Variants in DAB2IP observed in about 807,000 individuals in gnomAD.
The protein encoded by DAB2IP is disabled homolog 2-interacting protein.
In DAB2IP, 28 loss-of-function variants were observed where a neutral mutation model predicts 107.2. The observed-to-expected ratio is 0.26, with a 90% CI of 0.19 to 0.36. The LOEUF is 0.36. DAB2IP is among the 10% of genes least tolerant of loss of function. DAB2IP has a pLI of 1.00. For missense variants in DAB2IP, 1,400 were observed against 1,644.7 expected (o/e 0.85, Z 2.57); for synonymous variants, 755 against 706.4 (o/e 1.07, Z -1.09).
chr9:121,711,677 G>T (rs771462705), intron 3 of DAB2IP, among the ~76,000 whole-genome samples: 1 of 152,132 alleles, frequency 6.6e-6, no homozygotes, highest in East Asian at 1.9e-4. Context: ...GGCATTGCTG[G>T]CTCAGCAACA....
chr9:121,572,395 G>GATGAATGA (rs141995347), intron 1 of DAB2IP, among the ~76,000 whole-genome samples: 2,147 of 151,568 alleles, frequency 0.014, 64 homozygotes, highest in African/African-American at 0.046. Context: ...ATACTCAGTG[G>GATGAATGA]ATGAATGAAT....
intron 14 of DAB2IP, among the ~76,000 whole-genome samples, chr9:121,779,909 T>G (rs1028126618): frequency 3.3e-5 from 5 of 152,250 alleles, no homozygotes; most frequent in African/African-American, 9.6e-5. Context: ...GACCTGCCTG[T>G]CTCCTCAACT....
At chr9:121,596,860 C>T (rs1249804337) in intron 1 of DAB2IP, among the ~76,000 whole-genome samples, 1 of 152,216 alleles carries the variant, frequency 6.6e-6, no homozygotes, top group Non-Finnish European at 1.5e-5. Flanking sequence ...GCCTGCAGCA[C>T]AGGACAGTTC....
Position 121,760,775 on chromosome 9 carries a change from C to G in DAB2IP, c.1170+336C>G, listed in dbSNP as rs1833828037. ...AACAGGCTGGGTGGCCACGGCTCTC[C>G]CAGCACACAGGTCCCACAACGCCAC... is the stretch of plus-strand genomic sequence containing the variant. On this transcript the variant is annotated intron_variant, in intron 6 of 15. Coordinates refer to ENST00000408936, the Ensembl canonical transcript of DAB2IP. The surrounding 1 kb of genome is among the most constrained non-coding windows in gnomAD (Gnocchi z 5.9). Among the ~76,000 whole-genome samples, 4 of 152,140 alleles carry G rather than the reference C, an allele frequency of 2.6e-5. No individual in the cohort carries two copies. Among genetic ancestry groups the G allele is most frequent in the Admixed American group, 2.0e-4 (3 of 15,276 alleles).
intron 1 of DAB2IP, among the ~76,000 whole-genome samples, chr9:121,641,903 T>TTC (rs768458871): frequency 0.017 from 1,396 of 83,446 alleles, 49 homozygotes; most frequent in African/African-American, 0.038. Context: ...CTTTCTTTCT[T>TTC]TCTTTCTTTC....
chr9:121,717,962 G>A (rs915976455), intron 3 of DAB2IP, among the ~76,000 whole-genome samples: 1 of 152,198 alleles, frequency 6.6e-6, no homozygotes, highest in Non-Finnish European at 1.5e-5. Flanking sequence ...GGCATGTCAG[G>A]TGTGACCATG....
At chr9:121,663,901 AT>A (rs1833310202) in intron 1 of DAB2IP, among the ~76,000 whole-genome samples, 1 of 152,238 alleles carries the variant, frequency 6.6e-6, no homozygotes. Flanking sequence ...ATTCAGAGAT[AT>A]CCGGGCTTGA....
intron 3 of DAB2IP, among the ~76,000 whole-genome samples, chr9:121,735,618 C>T (rs1290509437): frequency 1.3e-5 from 2 of 152,136 alleles, no homozygotes. Context: ...TTCATATTTA[C>T]ATCGGGAGGC....
At chr9:121,745,386 G>A (rs2118911233) in intron 3 of DAB2IP, among the ~76,000 whole-genome samples, 1 of 152,282 alleles carries the variant, frequency 6.6e-6, no homozygotes, top group Middle Eastern at 3.4e-3. Flanking sequence ...CAGTGGCCTG[G>A]AACCCTGTGG....
At chr9:121,590,390 C>G in intron 1 of DAB2IP, among the ~76,000 whole-genome samples, 1 of 151,756 alleles carries the variant, frequency 6.6e-6, no homozygotes, top group East Asian at 1.9e-4. Context: ...AGTTTCACTT[C>G]CATCATCAGG....
In DAB2IP at chr9:121,781,452, C is replaced by T. The variant is rs75396506; in HGVS notation, c.3315-12C>T. ...CCAGGGCCAGTCTGACTGTCTCTGTCTCTGGCTATAGGTTGATGTCCGTGG... is the reference window on the plus strand; with the variant it reads ...CCAGGGCCAGTCTGACTGTCTCTGTTTCTGGCTATAGGTTGATGTCCGTGG... On this transcript the variant is annotated splice_polypyrimidine_tract_variant and intron_variant, in intron 14 of 15. Transcript: ENST00000408936. 1.2e-4 allele frequency: 199 copies of T among 1,613,858 alleles called. No homozygotes were observed. In the East Asian group the frequency reaches 4.4e-3, roughly 35 times the overall value.
chr9:121,717,606 T>A (rs1830679640), intron 3 of DAB2IP, among the ~76,000 whole-genome samples: 1 of 152,188 alleles, frequency 6.6e-6, no homozygotes, highest in Admixed American at 6.5e-5. Context: ...GACCTGCCCC[T>A]CCTGGCGTGT....
At chr9:121,603,752 G>A (rs1290546634) in intron 1 of DAB2IP, among the ~76,000 whole-genome samples, 1 of 152,138 alleles carries the variant, frequency 6.6e-6, no homozygotes, top group African/African-American at 2.4e-5. Context: ...GGGGCTGAAG[G>A]TGGGGCTTTT....
chr9:121,741,467 T>C (rs1044934144), intron 3 of DAB2IP, among the ~76,000 whole-genome samples: 1 of 152,174 alleles, frequency 6.6e-6, no homozygotes, highest in Non-Finnish European at 1.5e-5. Context: ...CCTCCTGCTC[T>C]GCCCCTCCTA....
At chr9:121,586,703 C>T (rs1830320862) in intron 1 of DAB2IP, among the ~76,000 whole-genome samples, 1 of 151,990 alleles carries the variant, frequency 6.6e-6, no homozygotes, top group African/African-American at 2.4e-5. Flanking sequence ...ACCTTCAGTC[C>T]CAGCTACTTG....
In DAB2IP at chr9:121,651,844, G is replaced by A; in HGVS notation, c.69G>A (p.Arg23=). ...CCTACTACTACCGGCTGCTGAGGCGGCCCCGGCTGCAGCGACAGAGGAGCC... is the reference window on the plus strand; with the variant it reads ...CCTACTACTACCGGCTGCTGAGGCGACCCCGGCTGCAGCGACAGAGGAGCC... The change falls in exon 1 of 16, where the codon CGG becomes CGA. Residue 23 remains arginine (R), a synonymous_variant. Coordinates refer to ENST00000408936, the Ensembl canonical transcript of DAB2IP. This position sits in a 1 kb window ranked among gnomAD's most constrained non-coding sequence, Gnocchi z 5.1. 6.8e-7 allele frequency: 1 copy of A among 1,469,542 alleles called. No individual in the cohort carries two copies. The highest frequency in any genetic ancestry group is 2.2e-5 in the Admixed American group (1 of 46,284). The allele number at this position is 1,469,542 out of a possible 1,614,324, so 91.0% of individuals were successfully genotyped here. A position where few individuals can be genotyped will look rare whatever the true frequency, so the allele number is the denominator to read the frequency against.
At chr9:121,607,935 T>G (rs944591699) in intron 1 of DAB2IP, among the ~76,000 whole-genome samples, 2 of 152,150 alleles carry the variant, frequency 1.3e-5, no homozygotes, top group Admixed American at 6.5e-5. Context: ...CCAGAAGACA[T>G]AATGGAAGCA....
At position 121,651,794 on chromosome 9, in the gene DAB2IP, GC is replaced by G; in HGVS notation, c.21del (p.Arg8GlyfsTer14). The G allele has an allele frequency of 7.0e-7, 1 of 1,430,850 alleles. No homozygotes were observed. Among genetic ancestry groups the G allele is most frequent in the Non-Finnish European group, 9.2e-7 (1 of 1,086,952 alleles). 88.6% of individuals were successfully genotyped at this position (1,430,850 alleles called of 1,614,324 possible). ...CGGCAGCATGTCCGCGGGCGGCAGC[GC>G]CAGGAAGAGCACCGGGAGGTCCTCC... On this transcript the variant is annotated frameshift_variant, in exon 1 of 16. Coordinates refer to ENST00000408936, the Ensembl canonical transcript of DAB2IP. LOFTEE classifies it high-confidence loss of function. This position sits in a 1 kb window ranked among gnomAD's most constrained non-coding sequence, Gnocchi z 5.1.
intron 1 of DAB2IP, among the ~76,000 whole-genome samples, chr9:121,641,995 T>TCTCTCTCTC (rs1832337279): frequency 3.1e-4 from 11 of 34,984 alleles, no homozygotes; most frequent in Non-Finnish European, 5.0e-4. Flanking sequence ...TTTCTTTCCT[T>TCTCTCTCTC]TCTCTCTCTC....
Sources: allele counts gnomAD v4.1 joint callset (sites outside exome capture counted in the v4.1 genomes callset), GRCh38; gene constraint gnomAD v4.1.1; non-coding constraint Gnocchi (gnomAD v3.1); transcripts MANE v1.5; gene names NCBI Gene and HGNC (gene_info 2026-07-23, HGNC 2026-07-21).